The following TXK variants were observed in gnomAD, a reference collection of about 807,000 sequenced individuals.
TXK encodes the protein TXK tyrosine kinase, also known as tyrosine-protein kinase TXK.
Under a neutral mutation model 81.0 loss-of-function variants are expected in TXK, and 60 were observed. That is an observed-to-expected ratio of 0.74 (90% CI 0.60 to 0.92). TXK has a LOEUF of 0.92. TXK is among the 40% of genes least tolerant of loss of function. The probability of loss-of-function intolerance (pLI) is 0.00; values close to 1 mark genes in which losing one functional copy is unlikely to be tolerated. For missense variants in TXK, 581 were observed against 638.3 expected (o/e 0.91, Z 0.97); for synonymous variants, 203 against 210.7 (o/e 0.96, Z 0.32).
intron 1 of TXK, among the ~76,000 whole-genome samples, chr4:48,133,939 T>C (rs916257249): frequency 6.6e-6 from 1 of 152,258 alleles, no homozygotes; most frequent in African/African-American, 2.4e-5. Flanking sequence ...TCTGTTTTTC[T>C]TTCATTTATG....
Position 48,112,335 on chromosome 4 carries a change from G to A in TXK, c.352C>T (p.His118Tyr). ...EYLILEKYNP[H>Y]WWKARDRLGN... is the part of the protein sequence containing the mutation. Reference sequence around the variant, plus strand: ...AAACGGTCTCTTGCCTTCCACCAGTGAGGATTGTATTTCTCCAGTATCAGG... The same window carrying A: ...AAACGGTCTCTTGCCTTCCACCAGTAAGGATTGTATTTCTCCAGTATCAGG... Residue 118 changes from histidine (H) to tyrosine (Y), a missense_variant, in exon 4 of 15, where the codon CAC (histidine) becomes TAC (tyrosine). Transcript: ENST00000264316. The A allele has an allele frequency of 6.2e-7, 1 of 1,614,182 alleles. No individual in the cohort carries two copies. The highest frequency in any genetic ancestry group is 8.5e-7 in the Non-Finnish European group (1 of 1,180,022).
intron 10 of TXK, among the ~76,000 whole-genome samples, chr4:48,084,731 G>A (rs557000097): frequency 5.3e-5 from 8 of 152,126 alleles, no homozygotes; most frequent in Admixed American, 4.6e-4. Context: ...CTTGGAATTC[G>A]TTCTATTGTA....
chr4:48,106,612 T>C (rs1211404988), intron 5 of TXK, among the ~76,000 whole-genome samples: 2 of 152,160 alleles, frequency 1.3e-5, no homozygotes, highest in Non-Finnish European at 2.9e-5. Context: ...TAGATTTCTA[T>C]AAGTAAACAG....
chr4:48,086,281 T>C (rs1163245298), intron 10 of TXK, among the ~76,000 whole-genome samples, 185 bp downstream of exon 10: 3 of 152,238 alleles, frequency 2.0e-5, no homozygotes, highest in African/African-American at 7.2e-5. Flanking sequence ...GATGAAGACA[T>C]TGAGGCTTGG....
intron 11 of TXK, among the ~76,000 whole-genome samples, chr4:48,076,721 T>C (rs1263992922): frequency 3.9e-5 from 6 of 152,180 alleles, no homozygotes; most frequent in Non-Finnish European, 8.8e-5. Flanking sequence ...CTTCCCCTCC[T>C]GGGGTCAAAC....
Position 48,076,472 on chromosome 4 carries a change from G to T in TXK, c.1174-6C>A, listed in dbSNP as rs1177666415. On this transcript the variant is annotated splice_region_variant and splice_polypyrimidine_tract_variant and intron_variant, in intron 11 of 14. Transcript: ENST00000264316. ...ACCAAACAATTCCTTGCCGCCTATG[G>T]AAAGAAGAAAAGAATCCAAGTTTGA... The T allele has an allele frequency of 1.9e-6, 3 of 1,606,468 alleles. No individual in the cohort carries two copies. The highest frequency in any genetic ancestry group is 2.5e-6 in the Non-Finnish European group (3 of 1,177,916).
At chr4:48,088,191 G>A (rs1239012618) in intron 9 of TXK, among the ~76,000 whole-genome samples, 11 of 152,070 alleles carry the variant, frequency 7.2e-5, no homozygotes, top group Admixed American at 1.3e-4. Flanking sequence ...GTATGGAGCC[G>A]CTAGAACTTA....
intron 1 of TXK, among the ~76,000 whole-genome samples, chr4:48,130,632 G>A (rs1719227004): frequency 6.6e-6 from 1 of 152,192 alleles, no homozygotes; most frequent in South Asian, 2.1e-4. Context: ...ACTCAAGGAG[G>A]AGGACTGCCT....
chr4:48,126,644 G>A (rs1269740755), intron 1 of TXK, among the ~76,000 whole-genome samples: 2 of 150,736 alleles, frequency 1.3e-5, no homozygotes, highest in African/African-American at 2.4e-5. Flanking sequence ...GGGACTACAG[G>A]CACACTCCAC....
At chr4:48,109,556 A>T (rs1305647826) in intron 5 of TXK, 1 of 152,312 alleles carries the variant, frequency 6.6e-6, no homozygotes, top group Non-Finnish European at 1.5e-5. Context: ...AGATCCTATG[A>T]TGGAGCTGAG....
intron 1 of TXK, among the ~76,000 whole-genome samples, chr4:48,129,819 AC>A (rs1719201249): frequency 6.6e-6 from 1 of 152,140 alleles, no homozygotes; most frequent in Non-Finnish European, 1.5e-5. Flanking sequence ...GTTTCCTAGA[AC>A]ACTGTTTTCT....
At chr4:48,124,262 A>AC (rs1259807051) in intron 1 of TXK, among the ~76,000 whole-genome samples, 1 of 151,434 alleles carries the variant, frequency 6.6e-6, no homozygotes, top group Non-Finnish European at 1.5e-5. Flanking sequence ...CAGCAACATA[A>AC]CCCCCTCCCT....
chr4:48,104,291 TATATAATATAATATATAATATATATA>T (rs1718328966), intron 6 of TXK, among the ~76,000 whole-genome samples: 1 of 14,388 alleles, frequency 7.0e-5, no homozygotes, highest in Non-Finnish European at 9.4e-5. Flanking sequence ...ATATATATAA[TATATAATATAATATATAATATATATA>T]ATATATAATA....
At chr4:48,093,969 A>C in intron 8 of TXK, 108 bp downstream of exon 8, 1 of 1,406,636 alleles carries the variant, frequency 7.1e-7, no homozygotes, top group Non-Finnish European at 9.9e-7. Context: ...AAGCTTTTAA[A>C]CTATTTCTAT....
At chr4:48,078,987 G>A (rs971606718) in intron 11 of TXK, among the ~76,000 whole-genome samples, 3 of 152,190 alleles carry the variant, frequency 2.0e-5, no homozygotes, top group Non-Finnish European at 4.4e-5. Context: ...AAGGAAATCA[G>A]TTTTAGTCAC....
intron 1 of TXK, among the ~76,000 whole-genome samples, chr4:48,123,961 A>G (rs1391615385): frequency 2.0e-5 from 3 of 152,154 alleles, no homozygotes; most frequent in Admixed American, 1.3e-4. Context: ...CAGCCTGGAA[A>G]GGAAGACTTC....
chr4:48,120,589 C>T (rs1718931815), intron 1 of TXK, among the ~76,000 whole-genome samples: 1 of 151,654 alleles, frequency 6.6e-6, no homozygotes, highest in Non-Finnish European at 1.5e-5. Flanking sequence ...CTCCCAGGTT[C>T]AAGCAATTCT....
rs753782279 is a variant in TXK at position 48,079,912 on chromosome 4, CA to C, written c.1172del (p.Leu391TrpfsTer13). The C allele has an allele frequency of 2.5e-6, 4 of 1,610,794 alleles. No individual in the cohort carries two copies. Among genetic ancestry groups the C allele is most frequent in the Non-Finnish European group, 2.5e-6 (3 of 1,177,472 alleles). ...AAAAGTAAATTTGCACCATACTTAC[CA>C]AATCCCTATGAATATAGCCATTCCT... ...LERNGYIHRDLAARNCLVSST... is the reference protein window; with the variant it reads ...LERNGYIHRDXAARNCLVSST... On this transcript the variant is annotated frameshift_variant and splice_region_variant, in exon 11 of 15. Transcript: ENST00000264316. LOFTEE classifies it high-confidence loss of function.
intron 6 of TXK, among the ~76,000 whole-genome samples, chr4:48,097,343 A>G (rs2456926): frequency 0.045 from 6,865 of 152,238 alleles, 512 homozygotes; most frequent in African/African-American, 0.15. Flanking sequence ...AAAATTTATC[A>G]AAATTGAATG....
Sources: allele counts gnomAD v4.1 joint callset (sites outside exome capture counted in the v4.1 genomes callset), GRCh38; gene constraint gnomAD v4.1.1; transcripts MANE v1.5; gene names NCBI Gene and HGNC (gene_info 2026-07-23, HGNC 2026-07-21).